The following EPHA4 variants were observed in gnomAD, a reference collection of about 807,000 sequenced individuals.
EPHA4 encodes EPH receptor A4, also known as ephrin type-A receptor 4.
In EPHA4, 19 loss-of-function variants were observed where a neutral mutation model predicts 108.3. That is an observed-to-expected ratio of 0.18 (90% CI 0.12 to 0.26). EPHA4 has a LOEUF of 0.26. EPHA4 is among the 10% of genes least tolerant of loss of function. The pLI is 1.00. For missense variants in EPHA4, 917 were observed against 1,254.0 expected, an observed-to-expected ratio of 0.73 and a Z score of 4.06; for synonymous variants, 449 against 455.5, an observed-to-expected ratio of 0.99 and a Z score of 0.18.
At chr2:221,511,754 T>C (rs1692839071) in intron 3 of EPHA4, among the ~76,000 whole-genome samples, 1 of 152,230 alleles carries the variant, frequency 6.6e-6, no homozygotes, top group Non-Finnish European at 1.5e-5. Flanking sequence ...GAGATGACAA[T>C]TTAAAAATAG....
rs1335774262 is a variant in EPHA4 at position 221,418,174 on chromosome 2, GA to G, written c.*3197del. The G allele has an allele frequency of 6.6e-6, 1 of 152,550 alleles. No individual in the cohort carries two copies. Among genetic ancestry groups the G allele is most frequent in the African/African-American group, 2.4e-5 (1 of 41,444 alleles). 9.4% of individuals were successfully genotyped at this position (152,550 alleles called of 1,614,324 possible). ...GTGTACCTAAAGTTCATGAAGGGAA[GA>G]AAAATACCTTGACAAATTAAAACAA... is the stretch of plus-strand genomic sequence containing the variant. On this transcript the variant is annotated 3_prime_UTR_variant, in exon 18 of 18. Transcript: ENST00000281821.
chr2:221,439,636 A>G (rs1432393428), intron 11 of EPHA4, among the ~76,000 whole-genome samples: 1 of 151,886 alleles, frequency 6.6e-6, no homozygotes. Flanking sequence ...TCCAGGCACT[A>G]GCCACCGAGC....
chr2:221,471,838 A>G (rs1691496378), intron 5 of EPHA4, among the ~76,000 whole-genome samples: 1 of 152,192 alleles, frequency 6.6e-6, no homozygotes, highest in Non-Finnish European at 1.5e-5. Context: ...CAGAGGGGGT[A>G]AGGCTCTGCT....
intron 11 of EPHA4, among the ~76,000 whole-genome samples, chr2:221,442,012 G>A (rs1301552164): frequency 1.3e-5 from 2 of 152,196 alleles, no homozygotes; most frequent in East Asian, 1.9e-4. Flanking sequence ...CACGCTGACT[G>A]AAGATGCTTT....
At chr2:221,456,847 A>C in intron 6 of EPHA4, 75 bp from the exon 7 acceptor site, 1 of 1,548,636 alleles carries the variant, frequency 6.5e-7, no homozygotes, top group African/African-American at 1.4e-5. Flanking sequence ...GCAATATTAA[A>C]GGAGTCAAGC....
chr2:221,566,950 G>GGAAGAGGAAGAAGAAGA (rs1559297367), intron 2 of EPHA4, among the ~76,000 whole-genome samples: 2 of 7,116 alleles, frequency 2.8e-4, no homozygotes, highest in African/African-American at 8.5e-4. Flanking sequence ...GAAGGAGAAG[G>GGAAGAGGAAGAAGAAGA]AGAAGGGGAA....
At chr2:221,446,102 T>C in intron 9 of EPHA4, 21 bp downstream of exon 9, 1 of 1,517,200 alleles carries the variant, frequency 6.6e-7, no homozygotes, top group South Asian at 1.4e-5. Flanking sequence ...AAATAGAATT[T>C]TTTAATCCAA....
chr2:221,458,173 T>C (rs546839931), intron 5 of EPHA4, among the ~76,000 whole-genome samples, 183 bp from the exon 6 acceptor site: 1 of 152,350 alleles, frequency 6.6e-6, no homozygotes, highest in East Asian at 1.9e-4. Context: ...AGTATATTTT[T>C]GCATGTGTTT....
intron 5 of EPHA4, among the ~76,000 whole-genome samples, chr2:221,480,551 T>A (rs1691788880): frequency 6.6e-6 from 1 of 152,190 alleles, no homozygotes; most frequent in Non-Finnish European, 1.5e-5. Flanking sequence ...ACTAATAAAC[T>A]GTTGGCAATC....
At chr2:221,443,111 T>C (rs55790183) in intron 10 of EPHA4, 97 bp from the exon 11 acceptor site, 313,539 of 1,267,152 alleles carry the variant, frequency 0.25, 39,362 homozygotes, top group African/African-American at 0.32. Context: ...CACGCCAGGC[T>C]GTTTGCTAGT....
In EPHA4 at chr2:221,571,107, G is replaced by A. The variant is rs1694821815; in HGVS notation, c.91+1051C>T. 6.6e-6 allele frequency among the ~76,000 whole-genome samples: 1 copy of A among 151,970 alleles called. No homozygotes were observed. On this transcript the variant is annotated intron_variant, in intron 1 of 17. Coordinates refer to ENST00000281821, the MANE Select transcript of EPHA4 (RefSeq NM_004438.5). The surrounding 1 kb of genome is among the most constrained non-coding windows in gnomAD (Gnocchi z 6.3). ...AATCCTCCGCGTCCGCTTCCACGCA[G>A]GCATTCGCGCACCTACATACACGCA...
At chr2:221,541,973 T>C (rs185274632) in intron 3 of EPHA4, among the ~76,000 whole-genome samples, 11 of 152,266 alleles carry the variant, frequency 7.2e-5, no homozygotes, top group African/African-American at 2.4e-4. Context: ...ATCAAAAAAA[T>C]ATGATTTTAT....
chr2:221,542,172 A>G (rs1693858357), intron 3 of EPHA4, among the ~76,000 whole-genome samples: 1 of 152,246 alleles, frequency 6.6e-6, no homozygotes, highest in Admixed American at 6.5e-5. Context: ...GTGAGAAAGA[A>G]AGAGTGAAGC....
intron 17 of EPHA4, among the ~76,000 whole-genome samples, 189 bp from the exon 18 acceptor site, chr2:221,420,741 A>G (rs771241106): frequency 1.3e-5 from 2 of 152,124 alleles, no homozygotes; most frequent in Non-Finnish European, 2.9e-5. Flanking sequence ...AGCAAAAAAA[A>G]CCTGTTTACT....
intron 3 of EPHA4, among the ~76,000 whole-genome samples, chr2:221,556,167 T>C (rs1280589142): frequency 6.6e-6 from 1 of 152,260 alleles, no homozygotes; most frequent in East Asian, 1.9e-4. Flanking sequence ...AAAAATAAAT[T>C]TTTAAATTAT....
rs146804018 is a variant in EPHA4 at position 221,522,002 on chromosome 2, A to C, written c.824-20830T>G. On this transcript the variant is annotated intron_variant, in intron 3 of 17. Coordinates refer to ENST00000281821, the MANE Select transcript of EPHA4 (RefSeq NM_004438.5). ...AATAAATTAAAAACAAACAAACAAA[A>C]AAACAAATAAACAAAAAACCCAAAA... Among the ~76,000 whole-genome samples the C allele has an allele frequency of 3.3e-3, 495 of 152,190 alleles. 6 individuals carry two copies. Among genetic ancestry groups the C allele is most frequent in the East Asian group, 0.024 (123 of 5,182 alleles).
At chr2:221,445,865 TA>T (rs1318689486) in intron 9 of EPHA4, among the ~76,000 whole-genome samples, 1 of 152,142 alleles carries the variant, frequency 6.6e-6, no homozygotes, top group Non-Finnish European at 1.5e-5. Flanking sequence ...GCTAGACTGA[TA>T]ACTTTCTTAG....
chr2:221,530,021 A>G (rs1693458605), intron 3 of EPHA4, among the ~76,000 whole-genome samples: 1 of 152,228 alleles, frequency 6.6e-6, no homozygotes, highest in South Asian at 2.1e-4. Flanking sequence ...TTAACCGAAT[A>G]TCCAAATAAT....
intron 8 of EPHA4, among the ~76,000 whole-genome samples, chr2:221,447,098 G>A (rs906513959): frequency 6.6e-6 from 1 of 152,138 alleles, no homozygotes; most frequent in Non-Finnish European, 1.5e-5. Flanking sequence ...AGTGAGTCAG[G>A]AGAATATATA....
Sources: gnomAD v4.1 joint callset for allele counts (sites outside exome capture counted in the v4.1 genomes callset) on GRCh38, gnomAD v4.1.1 for gene constraint, Gnocchi (gnomAD v3.1) non-coding constraint, MANE v1.5 for transcripts, NCBI Gene and HGNC (gene_info 2026-07-23, HGNC 2026-07-21) for gene names.